The following COX15 variants were observed in gnomAD, a reference collection of about 807,000 sequenced individuals.
The protein encoded by COX15 is cytochrome c oxidase assembly factor COX15.
COX15 carries 51 observed loss-of-function variants against 51.9 expected under a neutral mutation model. The observed-to-expected ratio is 0.98, with a 90% CI of 0.78 to 1.24. The LOEUF is 1.24. Among genes scored for constraint, COX15 ranks in the 50% most tolerant of loss-of-function variants. COX15 has a pLI of 0.00. For missense variants in COX15, 420 were observed against 501.1 expected (o/e 0.84, Z 1.55); for synonymous variants, 188 against 190.5 (o/e 0.99, Z 0.11).
At chr10:99,727,760 C>G (rs1432372685) in intron 2 of COX15, among the ~76,000 whole-genome samples, 197 bp from the exon 3 acceptor site, 1 of 152,068 alleles carries the variant, frequency 6.6e-6, no homozygotes, top group East Asian at 1.9e-4. Context: ...AATTTATTTA[C>G]CCTTATATTC....
At chr10:99,722,418 T>C (rs2036804095) in intron 5 of COX15, among the ~76,000 whole-genome samples, 1 of 152,088 alleles carries the variant, frequency 6.6e-6, no homozygotes, top group South Asian at 2.1e-4. Flanking sequence ...GTGAGGAAGA[T>C]AATTACAGGG....
At chr10:99,716,267 A>T in intron 8 of COX15, 81 bp downstream of exon 8, 1 of 988,106 alleles carries the variant, frequency 1.0e-6, no homozygotes, top group Non-Finnish European at 1.6e-6. Flanking sequence ...TGCTGGGATT[A>T]CAGCCATGAG....
the COX15 span, among the ~76,000 whole-genome samples, chr10:99,698,345 CTCTT>C: frequency 1.3e-5 from 2 of 152,256 alleles, no homozygotes; most frequent in South Asian, 2.1e-4. Context: ...CCATATTCCT[CTCTT>C]TTTTTTCTAA....
chr10:99,706,624 T>C (rs1016828611), downstream of COX15, among the ~76,000 whole-genome samples: 2 of 152,194 alleles, frequency 1.3e-5, no homozygotes. Flanking sequence ...CATGAGCTAC[T>C]GCACCTGCCC....
At chr10:99,695,618 A>G in the COX15 span, among the ~76,000 whole-genome samples, 4 of 151,896 alleles carry the variant, frequency 2.6e-5, no homozygotes, top group African/African-American at 9.7e-5. Context: ...ATGTTTTCCT[A>G]TTAAAATAAC....
Position 99,713,215 on chromosome 10 carries a change from A to C in COX15, c.*1372T>G. ...TTGGTTCATATTGAACCTGAGGACA[A>C]CTAAAATCCCGTCTTTTTTATATGA... On this transcript the variant is annotated 3_prime_UTR_variant, in exon 9 of 9. Coordinates refer to ENST00000016171, the MANE Select transcript of COX15 (RefSeq NM_078470.6). 7.2e-7 allele frequency: 1 copy of C among 1,395,250 alleles called. No individual in the cohort carries two copies. Among genetic ancestry groups the C allele is most frequent in the Non-Finnish European group, 9.4e-7 (1 of 1,059,846 alleles). 86.4% of individuals were successfully genotyped at this position (1,395,250 alleles called of 1,614,324 possible).
At chr10:99,704,744 A>G in the COX15 span, 2 of 1,436,268 alleles carry the variant, frequency 1.4e-6, no homozygotes, top group South Asian at 2.4e-5. Context: ...GAATTCCTCC[A>G]CTTTCTTATA....
intron 4 of COX15, 25 bp downstream of exon 4, chr10:99,726,943 T>C (rs758220593): frequency 6.3e-7 from 1 of 1,599,262 alleles, no homozygotes; most frequent in Admixed American, 1.7e-5. Context: ...GCATTTCTGG[T>C]TTCTCAACCT....
chr10:99,719,445 C>T (rs1030206517), intron 6 of COX15, among the ~76,000 whole-genome samples: 2 of 151,942 alleles, frequency 1.3e-5, no homozygotes, highest in African/African-American at 2.4e-5. Flanking sequence ...CCGCCTGCCT[C>T]GGCCTCCCAA....
At chr10:99,723,144 T>C (rs931084043) in intron 5 of COX15, 2 of 152,258 alleles carry the variant, frequency 1.3e-5, no homozygotes, top group Non-Finnish European at 2.9e-5. Context: ...AATATAAGAC[T>C]CTTTTTTTTT....
rs945240919 is a variant in COX15, at chr10:99,711,315, A to T, written c.*3272T>A. ...TATATGGTTCTTTGGGTTGGGTCAT[A>T]CTGCCCTCTGCTGACTCAGTTACTA... is the stretch of plus-strand genomic sequence containing the variant. On this transcript the variant is annotated 3_prime_UTR_variant, in exon 9 of 9. Transcript: ENST00000016171. 7 of 985,410 alleles carry T rather than the reference A, an allele frequency of 7.1e-6. No homozygotes were observed. The South Asian group carries it at 1.4e-4, about 20-fold the overall frequency. 61.0% of individuals were successfully genotyped at this position (985,410 alleles called of 1,614,324 possible).
At chr10:99,705,202 C>G in the COX15 span, 1 of 159,130 alleles carries the variant, frequency 6.3e-6, no homozygotes, top group East Asian at 1.8e-4. Context: ...ATAGGAATTT[C>G]CAGGCACCAA....
downstream of COX15, chr10:99,710,349 A>G: frequency 1.0e-6 from 1 of 985,402 alleles, no homozygotes; most frequent in Non-Finnish European, 1.2e-6. Flanking sequence ...ATTACCCTTT[A>G]GTTGAAGTCC....
intron 8 of COX15, 53 bp downstream of exon 8, chr10:99,716,294 CT>C: frequency 7.5e-7 from 1 of 1,337,470 alleles, no homozygotes; most frequent in Non-Finnish European, 1.1e-6. Context: ...TGCCCGGCCC[CT>C]TTTTTAACTT....
At chr10:99,694,545 T>G in the COX15 span, among the ~76,000 whole-genome samples, 2 of 150,800 alleles carry the variant, frequency 1.3e-5, no homozygotes, top group Non-Finnish European at 3.0e-5. Flanking sequence ...TTTGTTTTTT[T>G]TTTTTTTTGA....
At chr10:99,722,113 G>A (rs112667301) in intron 5 of COX15, among the ~76,000 whole-genome samples, 2,130 of 152,166 alleles carry the variant, frequency 0.014, 56 homozygotes, top group African/African-American at 0.048. Flanking sequence ...TGATCCACCC[G>A]CCTCAGCCTC....
At chr10:99,698,733 T>C in the COX15 span, 22 of 1,614,112 alleles carry the variant, frequency 1.4e-5, no homozygotes, top group Admixed American at 1.5e-4. Flanking sequence ...CAATGGCATA[T>C]ATCAATCGCC....
chr10:99,730,632 C>T (rs991872963), intron 1 of COX15, among the ~76,000 whole-genome samples: 21 of 152,108 alleles, frequency 1.4e-4, no homozygotes, highest in African/African-American at 4.8e-4. Flanking sequence ...GCCTACTACA[C>T]CCCTGAGCTA....
chr10:99,700,840 C>A, the COX15 span: 2 of 748,348 alleles, frequency 2.7e-6, no homozygotes, highest in Non-Finnish European at 4.8e-6. Flanking sequence ...AGTGAATGAA[C>A]ACACCATTTC....
Sources: gnomAD v4.1 joint callset for allele counts (sites outside exome capture counted in the v4.1 genomes callset) on GRCh38, gnomAD v4.1.1 for gene constraint, MANE v1.5 for transcripts, NCBI Gene and HGNC (gene_info 2026-07-23, HGNC 2026-07-21) for gene names.